GRM7: variants seen among roughly 807,000 people sequenced by gnomAD.
GRM7 encodes the protein metabotropic glutamate receptor 7.
GRM7 carries 35 observed loss-of-function variants against 84.5 expected under a neutral mutation model. That is an observed-to-expected ratio of 0.41 (90% CI 0.32 to 0.55). The LOEUF (loss-of-function observed/expected upper bound fraction) is 0.55, where lower values mean the gene tolerates loss of function less well. Ranked by LOEUF, GRM7 falls within the 20% of genes least tolerant of loss-of-function variation. GRM7 has a pLI of 0.19. For missense variants in GRM7, 1,003 were observed against 1,194.6 expected (o/e 0.84, Z 2.36); for synonymous variants, 487 against 455.1 (o/e 1.07, Z -0.89).
intron 7 of GRM7, among the ~76,000 whole-genome samples, chr3:7,515,318 G>A (rs1174938634): frequency 6.6e-6 from 1 of 152,114 alleles, no homozygotes; most frequent in East Asian, 1.9e-4. Context: ...AGGGAGGAAG[G>A]GAGACAGGTG....
rs1694821923 is a variant in GRM7, at chr3:6,863,160, A to G, written c.519+1253A>G. Among the ~76,000 whole-genome samples the G allele has an allele frequency of 6.9e-6, 1 of 143,992 alleles. No individual in the cohort carries two copies. Among genetic ancestry groups the G allele is most frequent in the South Asian group, 2.2e-4 (1 of 4,566 alleles). The allele number at this position is 143,992 out of a possible 152,430, so 94.5% of individuals were successfully genotyped here. On this transcript the variant is annotated intron_variant, in intron 1 of 9. Transcript: ENST00000357716. The surrounding 1 kb of genome is among the most constrained non-coding windows in gnomAD (Gnocchi z 4.8). ...TCTCTCTGTTTTTTCTCTCCTTTTC[A>G]ATCTCTCCCTCCTTTCCTCCTCTGT...
At chr3:7,338,561 G>A (rs17047148) in intron 4 of GRM7, among the ~76,000 whole-genome samples, 2,399 of 152,102 alleles carry the variant, frequency 0.016, 57 homozygotes, top group African/African-American at 0.054. Flanking sequence ...TACATGAATC[G>A]TTAAGTACAA....
intron 4 of GRM7, among the ~76,000 whole-genome samples, chr3:7,368,429 G>A (rs73809079): frequency 0.038 from 5,807 of 152,084 alleles, 347 homozygotes; most frequent in African/African-American, 0.13. Context: ...TGCCTTAGGC[G>A]ATAGGTAAAA....
chr3:7,626,127 T>C (rs1485577787), intron 8 of GRM7, among the ~76,000 whole-genome samples: 2 of 152,060 alleles, frequency 1.3e-5, no homozygotes, highest in African/African-American at 4.8e-5. Context: ...AAAGACAGAA[T>C]ATCAGGAACT....
chr3:7,510,591 C>T (rs1165125288), intron 7 of GRM7, among the ~76,000 whole-genome samples: 1 of 151,940 alleles, frequency 6.6e-6, no homozygotes, highest in East Asian at 1.9e-4. Context: ...CAAAAATTGG[C>T]TTGGGTAAGA....
intron 1 of GRM7, among the ~76,000 whole-genome samples, chr3:7,001,687 A>G (rs1168878427): frequency 7.4e-6 from 1 of 135,244 alleles, no homozygotes; most frequent in African/African-American, 3.3e-5. Context: ...AGGACGTTGA[A>G]ATTAATTTAT....
chr3:7,297,610 C>A (rs1182296824), intron 2 of GRM7, among the ~76,000 whole-genome samples: 1 of 151,830 alleles, frequency 6.6e-6, no homozygotes, highest in Non-Finnish European at 1.5e-5. Context: ...GTAATGAAGG[C>A]TTAATTTTGT....
At chr3:7,686,407 A>C in intron 9 of GRM7, 1 of 1,562,142 alleles carries the variant, frequency 6.4e-7, no homozygotes, top group Non-Finnish European at 8.8e-7. Flanking sequence ...TACTTGGTAC[A>C]CTATCCCACC....
At chr3:7,441,931 T>A (rs1575341201) in intron 5 of GRM7, among the ~76,000 whole-genome samples, 2 of 152,162 alleles carry the variant, frequency 1.3e-5, no homozygotes. Flanking sequence ...AGTTTTGTTC[T>A]TTTTGCTTAG....
At chr3:7,259,783 T>G (rs1293144419) in intron 2 of GRM7, among the ~76,000 whole-genome samples, 1 of 152,068 alleles carries the variant, frequency 6.6e-6, no homozygotes, top group Non-Finnish European at 1.5e-5. Context: ...ATAGAATGAT[T>G]TATATTTTTT....
intron 2 of GRM7, among the ~76,000 whole-genome samples, chr3:7,165,495 T>C (rs1429747855): frequency 1.3e-5 from 2 of 152,234 alleles, no homozygotes; most frequent in African/African-American, 4.8e-5. Flanking sequence ...AAATGTTTGG[T>C]TCAAATTTCT....
chr3:7,525,123 G>A lies in GRM7; in HGVS notation c.1516-53299G>A, dbSNP rs545541076. Among the ~76,000 whole-genome samples the A allele has an allele frequency of 6.5e-4, 98 of 151,096 alleles. No individual in the cohort carries two copies. In the South Asian group the frequency reaches 0.012, roughly 18 times the overall value. ...CACTCTGGGGACTGTTGAGGGGTGG[G>A]GGTAGGGGGGAGGGATAGCATTAGG... is the stretch of plus-strand genomic sequence containing the variant. On this transcript the variant is annotated intron_variant, in intron 7 of 9. Coordinates refer to ENST00000357716, the MANE Select transcript of GRM7 (RefSeq NM_000844.4).
At chr3:7,448,058 G>A (rs1697599976) in intron 5 of GRM7, among the ~76,000 whole-genome samples, 1 of 151,706 alleles carries the variant, frequency 6.6e-6, no homozygotes. Flanking sequence ...TTTCATCCAT[G>A]TCCCTACAAA....
At chr3:6,894,477 T>G (rs544648753) in intron 1 of GRM7, among the ~76,000 whole-genome samples, 6 of 152,148 alleles carry the variant, frequency 3.9e-5, no homozygotes, top group Non-Finnish European at 8.8e-5. Flanking sequence ...ATCCTAAAAA[T>G]GCTAGAATGG....
intron 4 of GRM7, among the ~76,000 whole-genome samples, chr3:7,376,302 G>C (rs2125123711): frequency 6.6e-6 from 1 of 152,158 alleles, no homozygotes; most frequent in Non-Finnish European, 1.5e-5. Flanking sequence ...CTGCTCTGTG[G>C]CTGCAAGTAC....
intron 2 of GRM7, among the ~76,000 whole-genome samples, chr3:7,175,242 C>G (rs938201113): frequency 6.6e-6 from 1 of 152,228 alleles, no homozygotes; most frequent in Admixed American, 6.5e-5. Flanking sequence ...AGCAGCTGCT[C>G]GTAGCAGTCC....
intron 7 of GRM7, among the ~76,000 whole-genome samples, chr3:7,545,629 C>T (rs906360153): frequency 2.0e-5 from 3 of 151,960 alleles, no homozygotes; most frequent in East Asian, 1.9e-4. Context: ...AATGTGAACA[C>T]GAGAAGAATG....
At chr3:6,923,602 A>G (rs534160173) in intron 1 of GRM7, among the ~76,000 whole-genome samples, 1 of 152,286 alleles carries the variant, frequency 6.6e-6, no homozygotes, top group East Asian at 1.9e-4. Context: ...CTTTTACTAT[A>G]TCTATGATAG....
chr3:6,983,474 T>A (rs866819544), intron 1 of GRM7, among the ~76,000 whole-genome samples: 6 of 152,102 alleles, frequency 3.9e-5, no homozygotes, highest in Middle Eastern at 6.8e-3. Flanking sequence ...AGGAAGTTAA[T>A]TGATTTTTTT....
Sources: allele counts gnomAD v4.1 joint callset (sites outside exome capture counted in the v4.1 genomes callset), GRCh38; gene constraint gnomAD v4.1.1; non-coding constraint Gnocchi (gnomAD v3.1); transcripts MANE v1.5; gene names NCBI Gene and HGNC (gene_info 2026-07-23, HGNC 2026-07-21).